The following PTPRD variants were observed in gnomAD, a reference collection of about 807,000 sequenced individuals.
PTPRD encodes the protein receptor-type tyrosine-protein phosphatase delta.
A neutral mutation model predicts 214.5 loss-of-function variants in PTPRD; 34 were observed. The observed-to-expected ratio is 0.16, with a 90% CI of 0.12 to 0.21. The LOEUF (loss-of-function observed/expected upper bound fraction) is 0.21, where lower values mean the gene tolerates loss of function less well. PTPRD is among the 10% of genes least tolerant of loss of function. PTPRD has a pLI of 1.00. For synonymous variants in PTPRD, 1,128 were observed against 845.7 expected (o/e 1.33, Z -5.79); for missense variants, 2,545 against 2,398.7 (o/e 1.06, Z -1.27).
intron 14 of PTPRD, among the ~76,000 whole-genome samples, chr9:8,551,808 A>C (rs912801161): frequency 6.6e-6 from 1 of 152,216 alleles, no homozygotes; most frequent in African/African-American, 2.4e-5. Context: ...GCCTAGAATA[A>C]ACCTGCACAG....
At chr9:10,358,101 C>A (rs187586869) in intron 2 of PTPRD, among the ~76,000 whole-genome samples, 3 of 152,108 alleles carry the variant, frequency 2.0e-5, no homozygotes, top group Admixed American at 1.3e-4. Flanking sequence ...TGATAGAGGA[C>A]AAAACCCTGA....
intron 9 of PTPRD, among the ~76,000 whole-genome samples, chr9:9,358,737 C>A (rs571364759): frequency 6.6e-6 from 1 of 151,266 alleles, no homozygotes; most frequent in African/African-American, 2.4e-5. Flanking sequence ...GAAGGGCCTG[C>A]GCCTGAATCA....
chr9:10,395,368 T>C (rs1346503210), intron 2 of PTPRD, among the ~76,000 whole-genome samples: 1 of 151,640 alleles, frequency 6.6e-6, no homozygotes, highest in African/African-American at 2.4e-5. Flanking sequence ...TTTTTCTCAT[T>C]GCGATAGTTT....
At chr9:10,083,043 C>A (rs553066146) in intron 3 of PTPRD, among the ~76,000 whole-genome samples, 4 of 151,996 alleles carry the variant, frequency 2.6e-5, no homozygotes, top group African/African-American at 4.8e-5. Flanking sequence ...ATTTTTTGAA[C>A]CTATATAAAT....
intron 2 of PTPRD, among the ~76,000 whole-genome samples, chr9:10,552,047 C>G (rs193176694): frequency 6.6e-6 from 1 of 152,122 alleles, no homozygotes; most frequent in African/African-American, 2.4e-5. Flanking sequence ...ACATCTCTCC[C>G]ACAAATTTTC....
intron 39 of PTPRD, among the ~76,000 whole-genome samples, chr9:8,363,754 G>A (rs900506338): frequency 6.6e-6 from 1 of 152,188 alleles, no homozygotes; most frequent in African/African-American, 2.4e-5. Context: ...CAACTTAGGA[G>A]AGTTTGAAGA....
At chr9:8,373,247 CTTGTA>C (rs1160554527) in intron 39 of PTPRD, among the ~76,000 whole-genome samples, 1 of 151,908 alleles carries the variant, frequency 6.6e-6, no homozygotes, top group East Asian at 1.9e-4. Context: ...TTTAACTTGG[CTTGTA>C]TTCAACTCAA....
At chr9:9,917,982 G>C (rs1172691387) in intron 5 of PTPRD, among the ~76,000 whole-genome samples, 1 of 151,938 alleles carries the variant, frequency 6.6e-6, no homozygotes, top group East Asian at 1.9e-4. Flanking sequence ...TGAAAAGCTG[G>C]TATCTTTTTC....
At chr9:9,563,039 C>T (rs1250615687) in intron 8 of PTPRD, among the ~76,000 whole-genome samples, 1 of 152,058 alleles carries the variant, frequency 6.6e-6, no homozygotes, top group East Asian at 1.9e-4. Context: ...AATAAATCAC[C>T]TTTTTCAACT....
At chr9:9,396,947 G>T (rs1330400321) in intron 9 of PTPRD, among the ~76,000 whole-genome samples, 6 of 151,928 alleles carry the variant, frequency 3.9e-5, no homozygotes, top group Non-Finnish European at 7.4e-5. Flanking sequence ...TAACTATATT[G>T]TTCCAAGTTA....
At chr9:8,901,370 CA>C in intron 11 of PTPRD, among the ~76,000 whole-genome samples, 1 of 152,180 alleles carries the variant, frequency 6.6e-6, no homozygotes, top group Non-Finnish European at 1.5e-5. Flanking sequence ...GAACTATTTC[CA>C]TCAATATGAA....
chr9:8,396,163 A>C (rs1164340487), intron 36 of PTPRD, among the ~76,000 whole-genome samples: 2 of 152,152 alleles, frequency 1.3e-5, no homozygotes, highest in Non-Finnish European at 2.9e-5. Flanking sequence ...TCATAATCAA[A>C]AAGTCCTGGA....
chr9:9,232,905 C>T (rs963193260), intron 9 of PTPRD, among the ~76,000 whole-genome samples: 3 of 152,048 alleles, frequency 2.0e-5, no homozygotes, highest in African/African-American at 7.2e-5. Context: ...ACCCCTTTTC[C>T]ACAAATCCAG....
chr9:9,629,219 GAT>G (rs1168653010), intron 7 of PTPRD, among the ~76,000 whole-genome samples: 3 of 118,986 alleles, frequency 2.5e-5, no homozygotes, highest in African/African-American at 1.1e-4. Flanking sequence ...ATTCTGGGGA[GAT>G]ATATATGTGT....
intron 10 of PTPRD, among the ~76,000 whole-genome samples, chr9:9,109,191 T>C (rs925013367): frequency 3.3e-5 from 5 of 152,178 alleles, no homozygotes; most frequent in African/African-American, 7.2e-5. Flanking sequence ...AGCTTTAAAA[T>C]AGTTTCTCAA....
chr9:9,380,919 T>G (rs553171583), intron 9 of PTPRD, among the ~76,000 whole-genome samples: 1 of 152,300 alleles, frequency 6.6e-6, no homozygotes, highest in African/African-American at 2.4e-5. Context: ...AATTGACCTT[T>G]TTATCATTAT....
At chr9:9,497,857 G>A (rs550610420) in intron 8 of PTPRD, among the ~76,000 whole-genome samples, 122 of 152,228 alleles carry the variant, frequency 8.0e-4, no homozygotes, top group Middle Eastern at 3.4e-3. Flanking sequence ...TATTGACTTT[G>A]TCAAATATTG....
chr9:10,050,980 CTAAA>C (rs1168798237), intron 3 of PTPRD, among the ~76,000 whole-genome samples: 3 of 151,886 alleles, frequency 2.0e-5, no homozygotes, highest in African/African-American at 7.3e-5. Flanking sequence ...TTAAAACTTC[CTAAA>C]TAGTGTAAAA....
chr9:9,052,288 G>T (rs1051951448), intron 10 of PTPRD, among the ~76,000 whole-genome samples: 7 of 152,078 alleles, frequency 4.6e-5, no homozygotes, highest in Admixed American at 3.9e-4. Context: ...TCAACATCTT[G>T]GGTGTTGGAA....
Sources: allele counts gnomAD v4.1 joint callset (sites outside exome capture counted in the v4.1 genomes callset), GRCh38; gene constraint gnomAD v4.1.1; transcripts MANE v1.5; gene names NCBI Gene and HGNC (gene_info 2026-07-23, HGNC 2026-07-21).